Variants in MRPL30 observed in about 807,000 individuals in gnomAD.
MRPL30 encodes large ribosomal subunit protein uL30m.
MRPL30 carries 10 observed loss-of-function variants against 17.2 expected under a neutral mutation model. The ratio of observed to expected loss-of-function variants is 0.58; its 90% CI spans 0.36 to 0.99. The LOEUF (loss-of-function observed/expected upper bound fraction) is 0.99, where lower values mean the gene tolerates loss of function less well. Among genes scored for constraint, MRPL30 ranks in the 50% least tolerant of loss-of-function variants. The pLI is 0.01. For missense variants in MRPL30, 170 were observed against 189.8 expected (o/e 0.90, Z 0.61); for synonymous variants, 61 against 62.1 (o/e 0.98, Z 0.08).
At chr2:99,191,505 A>G (rs2093946002) in intron 3 of MRPL30, among the ~76,000 whole-genome samples, 1 of 152,072 alleles carries the variant, frequency 6.6e-6, no homozygotes, top group East Asian at 1.9e-4. Context: ...TCCTCTATCT[A>G]ATTTCCCAGA....
At position 99,199,243 on chromosome 2, in the gene MRPL30, G is replaced by A. The variant is rs1406971722; in HGVS notation, c.*3538G>A. ...CACACAGCTTGATAAAATTTTCAAGGGTCCAAATTACTGTCTAAACCATTT... is the reference window on the plus strand; with the variant it reads ...CACACAGCTTGATAAAATTTTCAAGAGTCCAAATTACTGTCTAAACCATTT... On this transcript the variant is annotated 3_prime_UTR_variant, in exon 6 of 6. Transcript: ENST00000338148. Among the ~76,000 whole-genome samples the A allele has an allele frequency of 6.6e-6, 1 of 151,942 alleles. No individual in the cohort carries two copies. Among genetic ancestry groups the A allele is most frequent in the Non-Finnish European group, 1.5e-5 (1 of 67,986 alleles).
chr2:99,182,554 C>CA (rs2093926434), intron 1 of MRPL30, among the ~76,000 whole-genome samples: 2 of 152,126 alleles, frequency 1.3e-5, no homozygotes, highest in African/African-American at 2.4e-5. Context: ...GACTCCGTCT[C>CA]AAAAAAATAA....
intron 3 of MRPL30, among the ~76,000 whole-genome samples, chr2:99,190,007 C>G (rs1490442738): frequency 6.6e-6 from 1 of 151,816 alleles, no homozygotes; most frequent in African/African-American, 2.4e-5. Flanking sequence ...CACCTGTAGT[C>G]CTAGCTACTC....
intron 1 of MRPL30, among the ~76,000 whole-genome samples, chr2:99,183,087 C>T (rs1341633545): frequency 6.6e-6 from 1 of 152,048 alleles, no homozygotes; most frequent in Non-Finnish European, 1.5e-5. Flanking sequence ...AGGAAATTAG[C>T]CATGTAAATA....
intron 3 of MRPL30, among the ~76,000 whole-genome samples, chr2:99,192,680 C>G (rs1355212186): frequency 2.0e-5 from 3 of 152,150 alleles, no homozygotes; most frequent in Non-Finnish European, 4.4e-5. Context: ...ATTGTAAGTA[C>G]TGCTTCAATA....
In MRPL30 at chr2:99,194,731, T is replaced by A. The variant is rs747621094; in HGVS notation, c.133-20T>A. On this transcript the variant is annotated intron_variant, in intron 3 of 5. Coordinates refer to ENST00000338148, the MANE Select transcript of MRPL30 (RefSeq NM_145212.4). ...CTGTGTAAGTTGGAAATTTACCATT[T>A]ATAATTCTTTCCTTTCTAGGTGTTT... 1 of 1,564,718 alleles carries A rather than the reference T, an allele frequency of 6.4e-7. No homozygotes were observed. Among genetic ancestry groups the A allele is most frequent in the Non-Finnish European group, 8.6e-7 (1 of 1,165,954 alleles).
At chr2:99,195,299 T>A in intron 5 of MRPL30, 110 bp downstream of exon 5, 1 of 1,059,846 alleles carries the variant, frequency 9.4e-7, no homozygotes, top group Middle Eastern at 2.4e-4. Flanking sequence ...AAAACTAAAA[T>A]TTTATTTTGT....
Position 99,199,267 on chromosome 2 carries a change from T to G in MRPL30, c.*3562T>G, listed in dbSNP as rs2093959651. Among the ~76,000 whole-genome samples the G allele has an allele frequency of 6.6e-6, 1 of 152,196 alleles. No individual in the cohort carries two copies. Among genetic ancestry groups the G allele is most frequent in the East Asian group, 1.9e-4 (1 of 5,194 alleles). The stretch of plus-strand genomic sequence containing the variant: ...GGGTCCAAATTACTGTCTAAACCAT[T>G]TGCCACTCTTTGTGTATATTTGTCA... On this transcript the variant is annotated 3_prime_UTR_variant, in exon 6 of 6. Coordinates refer to ENST00000338148, the MANE Select transcript of MRPL30 (RefSeq NM_145212.4).
chr2:99,191,253 C>G (rs1020502375), intron 3 of MRPL30, among the ~76,000 whole-genome samples: 1 of 152,162 alleles, frequency 6.6e-6, no homozygotes, highest in Non-Finnish European at 1.5e-5. Context: ...GATCCACCCC[C>G]CTTGGCCTCC....
rs1463562073 is a variant in MRPL30 at position 99,197,321 on chromosome 2, T to G, written c.*1616T>G. On this transcript the variant is annotated 3_prime_UTR_variant, in exon 6 of 6. Transcript: ENST00000338148. ...CTTGGCAACAATGACATTGTCATGC[T>G]TATTGTCCCAATATCCATCCTGTCG... 6.6e-6 allele frequency: 1 copy of G among 152,256 alleles called. No homozygotes were observed. The highest frequency in any genetic ancestry group is 1.9e-4 in the East Asian group (1 of 5,206). The allele number at this position is 152,256 out of a possible 1,614,324, so 9.4% of individuals were successfully genotyped here.
intron 3 of MRPL30, among the ~76,000 whole-genome samples, chr2:99,188,808 T>C (rs1384683886): frequency 6.6e-6 from 1 of 152,116 alleles, no homozygotes; most frequent in Non-Finnish European, 1.5e-5. Context: ...TCAAACAGTT[T>C]TTGTGCCTCA....
chr2:99,195,472 C>A, intron 5 of MRPL30, 101 bp from the exon 6 acceptor site: 2 of 1,316,110 alleles, frequency 1.5e-6, no homozygotes, highest in Non-Finnish European at 2.1e-6. Context: ...CTCCTCCTAG[C>A]TATTTGAAAC....
chr2:99,182,908 A>C (rs2093927706), intron 1 of MRPL30, among the ~76,000 whole-genome samples: 1 of 152,224 alleles, frequency 6.6e-6, no homozygotes, highest in Admixed American at 6.5e-5. Context: ...TGCACTAAAC[A>C]ACAAAACCTA....
chr2:99,188,146 TAAA>T, intron 2 of MRPL30, 28 bp from the exon 3 acceptor site: 1 of 1,518,558 alleles, frequency 6.6e-7, no homozygotes, highest in Non-Finnish European at 8.9e-7. Context: ...GACAGAATTC[TAAA>T]AAACAAATGA....
intron 1 of MRPL30, among the ~76,000 whole-genome samples, chr2:99,181,618 A>G (rs1429155148): frequency 6.8e-6 from 1 of 148,020 alleles, no homozygotes; most frequent in African/African-American, 2.5e-5. Context: ...TTTTTTTTTT[A>G]ATGAAGACAG....
Position 99,196,277 on chromosome 2 carries a change from C to T in MRPL30, c.*572C>T, listed in dbSNP as rs1242627802. The T allele has an allele frequency of 6.5e-6, 1 of 152,938 alleles. No homozygotes were observed. Among genetic ancestry groups the T allele is most frequent in the Non-Finnish European group, 1.5e-5 (1 of 68,742 alleles). 9.5% of individuals were successfully genotyped at this position (152,938 alleles called of 1,614,324 possible). On this transcript the variant is annotated 3_prime_UTR_variant, in exon 6 of 6. Transcript: ENST00000338148. ...CTGCCACCTTAGCAAGCCTCATTAACCATTTTATAAAAATTGCGTTAGTAT... is the reference window on the plus strand; with the variant it reads ...CTGCCACCTTAGCAAGCCTCATTAATCATTTTATAAAAATTGCGTTAGTAT...
chr2:99,188,862 G>A (rs1327314457), intron 3 of MRPL30, among the ~76,000 whole-genome samples: 5 of 151,986 alleles, frequency 3.3e-5, no homozygotes, highest in Non-Finnish European at 4.4e-5. Context: ...CACCACACCC[G>A]GCTAATTTTT....
chr2:99,194,817 C>T lies in MRPL30; in HGVS notation c.199C>T (p.His67Tyr), dbSNP rs778769846. Residue 67 changes from histidine (H) to tyrosine (Y), a missense_variant, in exon 4 of 6, where the codon CAT becomes TAT. By Grantham distance (83) the His-to-Tyr change is moderately conservative (BLOSUM62 2). Coordinates refer to ENST00000338148, the MANE Select transcript of MRPL30 (RefSeq NM_145212.4). ...GGATCCACAGAACCCTCATAAACTGCATATTGTTACCAGAATAAAAAGTAC... is the reference window on the plus strand; with the variant it reads ...GGATCCACAGAACCCTCATAAACTGTATATTGTTACCAGAATAAAAAGTAC... The part of the protein sequence containing the change: ...GGDPQNPHKL[H>Y]IVTRIKSTRR... 1 of 1,598,502 alleles carries T rather than the reference C, an allele frequency of 6.3e-7. No individual in the cohort carries two copies. Among genetic ancestry groups the T allele is most frequent in the South Asian group, 1.1e-5 (1 of 87,330 alleles).
At chr2:99,185,492 A>C (rs2093932464) in intron 1 of MRPL30, among the ~76,000 whole-genome samples, 1 of 152,186 alleles carries the variant, frequency 6.6e-6, no homozygotes, top group South Asian at 2.1e-4. Flanking sequence ...TCATGAACTT[A>C]ATCTTTCTGC....
Sources: gnomAD v4.1 joint callset for allele counts (sites outside exome capture counted in the v4.1 genomes callset) on GRCh38, gnomAD v4.1.1 for gene constraint, MANE v1.5 for transcripts, NCBI Gene and HGNC (gene_info 2026-07-23, HGNC 2026-07-21) for gene names.